Variants in MSR1 observed in about 807,000 individuals in gnomAD.
MSR1 encodes the protein macrophage scavenger receptor 1.
MSR1 carries 53 observed loss-of-function variants against 47.2 expected under a neutral mutation model. The observed-to-expected ratio is 1.12, with a 90% CI of 0.90 to 1.41. The LOEUF (loss-of-function observed/expected upper bound fraction) is 1.41. MSR1 is among the 40% of genes most tolerant of loss of function. MSR1 has a pLI of 0.00. For missense variants in MSR1, 786 were observed against 546.9 expected (o/e 1.44, Z -4.36); for synonymous variants, 239 against 185.6 (o/e 1.29, Z -2.34).
At chr8:16,117,018 C>T (rs902674869) in intron 9 of MSR1, among the ~76,000 whole-genome samples, 17 of 152,102 alleles carry the variant, frequency 1.1e-4, no homozygotes, top group African/African-American at 4.1e-4. Flanking sequence ...CTCACCTCAG[C>T]CACTGTACTA....
At chr8:16,169,362 G>T (rs1214875224) in intron 3 of MSR1, among the ~76,000 whole-genome samples, 2 of 152,188 alleles carry the variant, frequency 1.3e-5, no homozygotes, top group South Asian at 2.1e-4. Flanking sequence ...TAAATTGTTG[G>T]TTTATCTTCT....
chr8:16,110,178 C>A lies in MSR1; in HGVS notation c.1263G>T (p.Gly421=), dbSNP rs979975129. 1 of 1,613,660 alleles carries A rather than the reference C, an allele frequency of 6.2e-7. No individual in the cohort carries two copies. Among genetic ancestry groups the A allele is most frequent in the East Asian group, 2.2e-5 (1 of 44,852 alleles). The change falls in exon 10 of 10, where the codon GGG becomes GGT. Residue 421 remains glycine, a synonymous_variant. Transcript: ENST00000262101. The part of the protein sequence containing the change: ...PIWLNEVFCF[G]RESSIEECKI... ...TACATTCTTCAATAGATGATTCTCTCCCAAAACAAAACACTTCATTCAGCC... is the reference window on the plus strand; with the variant it reads ...TACATTCTTCAATAGATGATTCTCTACCAAAACAAAACACTTCATTCAGCC...
At chr8:16,177,838 A>G (rs778067119) in intron 2 of MSR1, 48 bp downstream of exon 2, 1 of 1,457,582 alleles carries the variant, frequency 6.9e-7, no homozygotes, top group Non-Finnish European at 9.6e-7. Flanking sequence ...TATTTTGTCA[A>G]TAACTCTAAG....
chr8:16,117,270 G>C (rs959580934), intron 9 of MSR1, among the ~76,000 whole-genome samples: 3 of 152,154 alleles, frequency 2.0e-5, no homozygotes, highest in Non-Finnish European at 4.4e-5. Flanking sequence ...TTACACATGT[G>C]AGGGATCTAG....
intron 3 of MSR1, 32 bp downstream of exon 3, chr8:16,175,155 T>A (rs773627572): frequency 6.4e-7 from 1 of 1,558,448 alleles, no homozygotes; most frequent in South Asian, 1.1e-5. Context: ...ACGGGACGAG[T>A]TACTAAATTT....
At chr8:16,111,792 G>T (rs935679244) in intron 9 of MSR1, among the ~76,000 whole-genome samples, 3 of 151,908 alleles carry the variant, frequency 2.0e-5, no homozygotes, top group Non-Finnish European at 4.4e-5. Context: ...AAAACTGAAT[G>T]CCATTATTGT....
chr8:16,128,107 C>A (rs1800170707), intron 8 of MSR1, among the ~76,000 whole-genome samples: 1 of 152,080 alleles, frequency 6.6e-6, no homozygotes, highest in South Asian at 2.1e-4. Flanking sequence ...ACTTATGGTG[C>A]AATTTAGGCC....
At chr8:16,189,087 C>A (rs570916354) in intron 1 of MSR1, among the ~76,000 whole-genome samples, 3 of 142,202 alleles carry the variant, frequency 2.1e-5, no homozygotes, top group African/African-American at 7.7e-5. Context: ...TTCATATATA[C>A]GCAAAACCTT....
chr8:16,154,433 A>T (rs1243604037), intron 6 of MSR1, among the ~76,000 whole-genome samples: 1 of 152,032 alleles, frequency 6.6e-6, no homozygotes, highest in Admixed American at 6.6e-5. Context: ...TTTCAAGATT[A>T]CAACTTAGAG....
At chr8:16,126,478 T>C (rs1435170288) in intron 8 of MSR1, among the ~76,000 whole-genome samples, 1 of 152,196 alleles carries the variant, frequency 6.6e-6, no homozygotes, top group African/African-American at 2.4e-5. Flanking sequence ...AAAAAAAATC[T>C]GGTTGCAGTT....
rs530477515 is a variant in MSR1 at position 16,177,959 on chromosome 8, T to C, written c.30A>G (p.Gln10=). ...CGGAGCAGCTATCAGTGTCCTCCTGTTGATTGTGAAAGTGATCCCACTGCT... is the reference window on the plus strand; with the variant it reads ...CGGAGCAGCTATCAGTGTCCTCCTGCTGATTGTGAAAGTGATCCCACTGCT... The part of the protein sequence containing the change: MEQWDHFHN[Q]QEDTDSCSES... The change falls in exon 2 of 10, where the codon CAA becomes CAG. Residue 10 remains glutamine, a synonymous_variant. Coordinates refer to ENST00000262101, the MANE Select transcript of MSR1 (RefSeq NM_138715.3). The C allele has an allele frequency of 8.1e-6, 13 of 1,613,964 alleles. No homozygotes were observed. The South Asian group carries it at 9.9e-5, about 12-fold the overall frequency.
intron 8 of MSR1, among the ~76,000 whole-genome samples, chr8:16,123,663 A>T (rs1444830370): frequency 2.0e-5 from 3 of 152,004 alleles, no homozygotes; most frequent in Admixed American, 6.6e-5. Flanking sequence ...AATCAAATAA[A>T]CACAGATAAG....
At chr8:16,174,860 T>C (rs1270615899) in intron 3 of MSR1, among the ~76,000 whole-genome samples, 1 of 152,152 alleles carries the variant, frequency 6.6e-6, no homozygotes, top group African/African-American at 2.4e-5. Flanking sequence ...CTTTTAAAAT[T>C]TGTCACCCAC....
At chr8:16,189,433 T>C (rs1445546790) in intron 1 of MSR1, among the ~76,000 whole-genome samples, 1 of 97,012 alleles carries the variant, frequency 1.0e-5, no homozygotes, top group East Asian at 2.7e-4. Context: ...TATAAAATCA[T>C]ATTTTATATA....
At chr8:16,169,168 T>TA (rs965436851) in intron 3 of MSR1, among the ~76,000 whole-genome samples, 3 of 151,766 alleles carry the variant, frequency 2.0e-5, no homozygotes, top group African/African-American at 4.8e-5. Context: ...CCTTGCCAAT[T>TA]AAAAAAAAAT....
chr8:16,150,355 C>A, intron 6 of MSR1, 44 bp from the exon 7 acceptor site: 2 of 1,193,014 alleles, frequency 1.7e-6, no homozygotes, highest in South Asian at 1.4e-5. Context: ...AATTCATTTT[C>A]ATACAGACTT....
chr8:16,134,777 C>T (rs867718248), intron 8 of MSR1, among the ~76,000 whole-genome samples: 18 of 152,222 alleles, frequency 1.2e-4, no homozygotes, highest in African/African-American at 4.1e-4. Flanking sequence ...TTCTTGAAAG[C>T]AATTAAAAGT....
intron 2 of MSR1, 33 bp from the exon 3 acceptor site, chr8:16,175,333 G>C (rs751511893): frequency 8.6e-6 from 13 of 1,515,136 alleles, no homozygotes; most frequent in Non-Finnish European, 1.0e-5. Context: ...CCTACTGTTA[G>C]AAAGTGTTGT....
intron 7 of MSR1, among the ~76,000 whole-genome samples, chr8:16,147,059 G>C (rs1368772185): frequency 6.6e-6 from 1 of 152,172 alleles, no homozygotes; most frequent in Non-Finnish European, 1.5e-5. Context: ...AGGCAAAACA[G>C]ACAGAAGTAC....
Sources: gnomAD v4.1 joint callset for allele counts (sites outside exome capture counted in the v4.1 genomes callset) on GRCh38, gnomAD v4.1.1 for gene constraint, MANE v1.5 for transcripts, NCBI Gene and HGNC (gene_info 2026-07-23, HGNC 2026-07-21) for gene names.